The following COL8A2 variants were observed in gnomAD, a reference collection of about 807,000 sequenced individuals.
COL8A2 encodes the protein collagen type VIII alpha 2 chain, also known as collagen alpha-2(VIII) chain.
In COL8A2, 16 loss-of-function variants were observed where a neutral mutation model predicts 24.0. The observed-to-expected ratio is 0.67, with a 90% CI of 0.45 to 1.01. The LOEUF (loss-of-function observed/expected upper bound fraction) is 1.01, where lower values mean the gene tolerates loss of function less well. Ranked by LOEUF, COL8A2 falls within the 50% of genes least tolerant of loss-of-function variation. COL8A2 has a pLI of 0.00. For missense variants in COL8A2, 818 were observed against 942.4 expected, an observed-to-expected ratio of 0.87 and a Z score of 1.73; for synonymous variants, 466 against 424.5, an observed-to-expected ratio of 1.10 and a Z score of -1.20.
At chr1:36,116,167 C>A (rs1317344082) in intron 1 of COL8A2, among the ~76,000 whole-genome samples, 2 of 152,250 alleles carry the variant, frequency 1.3e-5, no homozygotes, top group Non-Finnish European at 2.9e-5. Flanking sequence ...CTTACCAGAA[C>A]CCCCTGCTGG....
Position 36,097,677 on chromosome 1 carries a change from C to A in COL8A2, c.2004G>T (p.Arg668=), listed in dbSNP as rs1041453380. The part of the protein sequence containing the change: ...QASGGAVLQL[R]PNDQVWVQMP... ...TCTGCACCCAGACCTGGTCGTTGGG[C>A]CGCAGCTGGAGCACGGCCCCACCAG... is the stretch of plus-strand genomic sequence containing the variant. Residue 668 remains arginine (R), a synonymous_variant, in exon 4 of 4, where the codon CGG becomes CGT. Transcript: ENST00000397799. The A allele has an allele frequency of 5.1e-5, 78 of 1,532,946 alleles. No individual in the cohort carries two copies. The highest frequency in any genetic ancestry group is 6.6e-5 in the Non-Finnish European group (75 of 1,128,970). 95.0% of individuals were successfully genotyped at this position (1,532,946 alleles called of 1,614,324 possible).
At chr1:36,103,273 T>G (rs1355811094) in intron 2 of COL8A2, among the ~76,000 whole-genome samples, 5 of 151,806 alleles carry the variant, frequency 3.3e-5, no homozygotes, top group Non-Finnish European at 7.4e-5. Flanking sequence ...CCAGAAAGTT[T>G]TTTTGATTTT....
At position 36,099,135 on chromosome 1, in the gene COL8A2, C is replaced by A. The variant is rs370355081; in HGVS notation, c.546G>T (p.Gly182=). 1.4e-4 allele frequency: 209 copies of A among 1,504,404 alleles called. No homozygotes were observed. The African/African-American group carries it at 2.5e-3, about 18-fold the overall frequency. The allele number at this position is 1,504,404 out of a possible 1,614,324, so 93.2% of individuals were successfully genotyped here. The change falls in exon 4 of 4, where the codon GGG becomes GGT. Residue 182 remains glycine (G), a synonymous_variant. Coordinates refer to ENST00000397799, the MANE Select transcript of COL8A2 (RefSeq NM_005202.4). ...PGKPGAQGVP[G]PPGFQGEPGP... is the part of the protein sequence containing the mutation. ...CTGGTTCCCCCTGGAATCCTGGGGG[C>A]CCTGGCACCCCTTGGGCACCTGGTT...
In COL8A2 at chr1:36,098,992, AGGCCGGGGG is replaced by A. The variant is rs1643626171; in HGVS notation, c.680_688del (p.Pro227_Gly229del). The A allele has an allele frequency of 5.0e-6, 8 of 1,595,952 alleles. No homozygotes were observed. The highest frequency in any genetic ancestry group is 6.8e-6 in the Non-Finnish European group (8 of 1,169,696). ...TTTGCCTAAGCCAGCTGGACCAGGG[AGGCCGGGGG>A]GGCCGGGGGCACCCCCCTGCCCTGG... On this transcript the variant is annotated inframe_deletion, in exon 4 of 4. Transcript: ENST00000397799.
rs1643877722 is a variant in COL8A2 at position 36,116,082 on chromosome 1, G to A, written c.-61-330C>T. Among the ~76,000 whole-genome samples, 4 of 150,538 alleles carry A rather than the reference G, an allele frequency of 2.7e-5. No individual in the cohort carries two copies. In the South Asian group the frequency reaches 8.4e-4, roughly 32 times the overall value. ...TCAAAAAAAAAAAAAAGGAGGAACA[G>A]TGAGACGATGACATCAGGAGCCTGG... On this transcript the variant is annotated intron_variant, in intron 1 of 3. Coordinates refer to ENST00000397799, the MANE Select transcript of COL8A2 (RefSeq NM_005202.4).
intron 2 of COL8A2, among the ~76,000 whole-genome samples, chr1:36,107,420 C>T (rs1643777072): frequency 6.6e-6 from 1 of 151,130 alleles, no homozygotes; most frequent in African/African-American, 2.4e-5. Flanking sequence ...AAAAAAAGAA[C>T]CCCGAGCTCC....
Position 36,119,732 on chromosome 1 carries a change from C to T in COL8A2, c.-61-3980G>A, listed in dbSNP as rs536582570. Reference sequence around the variant, plus strand: ...GAGGCTAGCCAGAAAGGAGAACTTCCGGGTGGTGGGGGCTGTGGACACTGG... The same window carrying T: ...GAGGCTAGCCAGAAAGGAGAACTTCTGGGTGGTGGGGGCTGTGGACACTGG... On this transcript the variant is annotated intron_variant, in intron 1 of 3. Transcript: ENST00000397799. Among the ~76,000 whole-genome samples, 19 of 152,308 alleles carry T rather than the reference C, an allele frequency of 1.2e-4. 1 individual carries two copies. Among genetic ancestry groups the T allele is most frequent in the East Asian group, 1.9e-4 (1 of 5,182 alleles).
rs992835139 is a variant in COL8A2 at position 36,111,813 on chromosome 1, A to G, written c.-17+3895T>C. Among the ~76,000 whole-genome samples the G allele has an allele frequency of 2.2e-4, 33 of 151,848 alleles. No homozygotes were observed. The East Asian group carries it at 2.5e-3, about 12-fold the overall frequency. ...GTGATCCTCCCACCTCAGCTTCCCAACTGAGCCTCAGACTCTTGTGTTCAA... is the reference window on the plus strand; with the variant it reads ...GTGATCCTCCCACCTCAGCTTCCCAGCTGAGCCTCAGACTCTTGTGTTCAA... On this transcript the variant is annotated intron_variant, in intron 2 of 3. Transcript: ENST00000397799.
intron 1 of COL8A2, among the ~76,000 whole-genome samples, chr1:36,120,516 G>A (rs897580610): frequency 1.1e-4 from 17 of 151,408 alleles, no homozygotes; most frequent in East Asian, 3.9e-4. Flanking sequence ...TTGGGAGGCC[G>A]AGGCGGGCAG....
In COL8A2 at chr1:36,123,477, A is replaced by C. The variant is rs1375149358; in HGVS notation, c.-62+1580T>G. 1.3e-5 allele frequency among the ~76,000 whole-genome samples: 2 copies of C among 152,210 alleles called. No homozygotes were observed. The highest frequency in any genetic ancestry group is 2.9e-5 in the Non-Finnish European group (2 of 68,038). On this transcript the variant is annotated intron_variant, in intron 1 of 3. Coordinates refer to ENST00000397799, the MANE Select transcript of COL8A2 (RefSeq NM_005202.4). The surrounding 1 kb of genome is among the most constrained non-coding windows in gnomAD (Gnocchi z 4.1). Reference sequence around the variant, plus strand: ...CCCTTCCTCTGAGCCAAAGAGCGGAAATTCTCATTTTCACTGTGGTAGACG... The same window carrying C: ...CCCTTCCTCTGAGCCAAAGAGCGGACATTCTCATTTTCACTGTGGTAGACG...
Position 36,100,189 on chromosome 1 carries a change from C to T in COL8A2, c.54G>A (p.Leu18=). 6.2e-7 allele frequency: 1 copy of T among 1,605,544 alleles called. No homozygotes were observed. The highest frequency in any genetic ancestry group is 8.5e-7 in the Non-Finnish European group (1 of 1,176,488). Residue 18 remains leucine, a synonymous_variant, in exon 3 of 4, where the codon CTG becomes CTA. Transcript: ENST00000397799. Reference sequence around the variant, plus strand: ...ACGCCCGCGGCCCACACCCCAGCACCAGCACCAGTAGCAGCAGCAGCAGCG... The same window carrying T: ...ACGCCCGCGGCCCACACCCCAGCACTAGCACCAGTAGCAGCAGCAGCAGCG... ...LSSLLLLLLV[L]VLGCGPRASS... is the part of the protein sequence containing the mutation.
At chr1:36,109,196 CT>C (rs1643803631) in intron 2 of COL8A2, among the ~76,000 whole-genome samples, 1 of 152,208 alleles carries the variant, frequency 6.6e-6, no homozygotes, top group African/African-American at 2.4e-5. Context: ...TTATGAGACG[CT>C]TCCTGTTGTG....
At chr1:36,120,439 A>T (rs1643902726) in intron 1 of COL8A2, among the ~76,000 whole-genome samples, 1 of 147,636 alleles carries the variant, frequency 6.8e-6, no homozygotes, top group African/African-American at 2.5e-5. Context: ...GGTGACAGAG[A>T]CTCCATCTCA....
rs754830468 is a variant in COL8A2, at chr1:36,099,439, G to A, written c.242C>T (p.Pro81Leu). ...ACCCCGAGGCCCGGGCTTCCCAGGGGGGCCGGGCTCTCCCTTCAGGTCCAT... is the reference window on the plus strand; with the variant it reads ...ACCCCGAGGCCCGGGCTTCCCAGGGAGGCCGGGCTCTCCCTTCAGGTCCAT... ...LPMDLKGEPG[P>L]PGKPGPRGPP... The change falls in exon 4 of 4, where the codon CCC becomes CTC. Residue 81 changes from proline (P) to leucine (L), a missense_variant. Around this residue, in one of 3 missense-constraint regions of COL8A2, gnomAD observed 573 missense variants for 616.8 expected, o/e 0.93. Transcript: ENST00000397799. The A allele has an allele frequency of 1.3e-6, 2 of 1,545,716 alleles. No individual in the cohort carries two copies. Among genetic ancestry groups the A allele is most frequent in the Non-Finnish European group, 1.7e-6 (2 of 1,150,606 alleles).
At chr1:36,121,189 G>A (rs750872616) in intron 1 of COL8A2, among the ~76,000 whole-genome samples, 9 of 148,646 alleles carry the variant, frequency 6.1e-5, no homozygotes, top group Non-Finnish European at 1.3e-4. Flanking sequence ...AGGAGTTTGA[G>A]ACCAGCCTGG....
intron 2 of COL8A2, among the ~76,000 whole-genome samples, chr1:36,114,534 T>C (rs773835650): frequency 1.1e-4 from 16 of 152,090 alleles, no homozygotes; most frequent in Non-Finnish European, 2.2e-4. Flanking sequence ...CTCTGCTGGG[T>C]TGCCCTTTCT....
rs576619403 is a variant in COL8A2, at chr1:36,115,176, C to G, written c.-17+532G>C. On this transcript the variant is annotated intron_variant, in intron 2 of 3. Transcript: ENST00000397799. This position sits in a 1 kb window ranked among gnomAD's most constrained non-coding sequence, Gnocchi z 5.7. ...AGAGGCCTTGAGCTTCTGATGGGAA[C>G]TGGACATCCGAGGGCCCCTACAGAC... 6.6e-6 allele frequency among the ~76,000 whole-genome samples: 1 copy of G among 152,274 alleles called. No homozygotes were observed. The highest frequency in any genetic ancestry group is 2.1e-4 in the South Asian group (1 of 4,832).
Position 36,098,036 on chromosome 1 carries a change from C to CGTT in COL8A2, c.1642_1644dup (p.Asn548dup). On this transcript the variant is annotated inframe_insertion, in exon 4 of 4. Coordinates refer to ENST00000397799, the MANE Select transcript of COL8A2 (RefSeq NM_005202.4). ...CCCAGCACGGCACCCTCCACACCGCCGTTGGGCAGGTGCAAGCCTGCGATG... is the reference window on the plus strand; with the variant it reads ...CCCAGCACGGCACCCTCCACACCGCCGTTGTTGGGCAGGTGCAAGCCTGCGATG... The CGTT allele has an allele frequency of 1.3e-6, 2 of 1,592,746 alleles. No individual in the cohort carries two copies. Among genetic ancestry groups the CGTT allele is most frequent in the Non-Finnish European group, 1.7e-6 (2 of 1,174,038 alleles).
intron 2 of COL8A2, among the ~76,000 whole-genome samples, chr1:36,101,738 G>A (rs1251671003): frequency 2.6e-5 from 4 of 152,180 alleles, no homozygotes; most frequent in African/African-American, 7.2e-5. Context: ...AATATTACTC[G>A]GCAATGAAAA....
Sources: allele counts gnomAD v4.1 joint callset (sites outside exome capture counted in the v4.1 genomes callset), GRCh38; gene constraint gnomAD v4.1.1; regional missense constraint gnomAD v4.1.1; non-coding constraint Gnocchi (gnomAD v3.1); transcripts MANE v1.5; gene names NCBI Gene and HGNC (gene_info 2026-07-23, HGNC 2026-07-21).